Variants in SGCD observed in about 807,000 individuals in gnomAD.
The protein encoded by SGCD is delta-sarcoglycan.
In SGCD, 18 loss-of-function variants were observed where a neutral mutation model predicts 36.6. The observed-to-expected ratio is 0.49, with a 90% CI of 0.34 to 0.73. The LOEUF (loss-of-function observed/expected upper bound fraction) is 0.73. Ranked by LOEUF, SGCD falls within the 30% of genes least tolerant of loss-of-function variation. The pLI is 0.01. For synonymous variants in SGCD, 133 were observed against 130.6 expected, an observed-to-expected ratio of 1.02 and a Z score of -0.12; for missense variants, 387 against 346.7, an observed-to-expected ratio of 1.12 and a Z score of -0.92.
intron 3 of SGCD, among the ~76,000 whole-genome samples, chr5:156,132,594 G>C (rs937163103): frequency 8.2e-5 from 12 of 145,894 alleles, no homozygotes; most frequent in Non-Finnish European, 1.8e-4. Context: ...TCAGCCTCCC[G>C]AGTAGCTGGG....
chr5:156,754,544 A>T (rs1226707847), intron 7 of SGCD, among the ~76,000 whole-genome samples: 4 of 152,230 alleles, frequency 2.6e-5, no homozygotes, highest in Non-Finnish European at 5.9e-5. Flanking sequence ...ATTACAGAAA[A>T]TAGGGGTAAA....
At chr5:156,229,369 A>G (rs1185504930) in intron 3 of SGCD, among the ~76,000 whole-genome samples, 1 of 143,920 alleles carries the variant, frequency 6.9e-6, no homozygotes, top group African/African-American at 2.6e-5. Context: ...GGTAGTGGTG[A>G]ATTCTCTCAG....
At chr5:156,168,176 T>C (rs557834829) in intron 3 of SGCD, among the ~76,000 whole-genome samples, 61 of 152,328 alleles carry the variant, frequency 4.0e-4, no homozygotes, top group African/African-American at 1.4e-3. Flanking sequence ...TCCTATTTAG[T>C]TAGAATAAAT....
intron 6 of SGCD, among the ~76,000 whole-genome samples, chr5:156,612,746 A>C (rs1761873709): frequency 6.6e-6 from 1 of 152,176 alleles, no homozygotes; most frequent in Admixed American, 6.5e-5. Flanking sequence ...TGCAATGGCT[A>C]CCACCCTCCA....
intron 3 of SGCD, among the ~76,000 whole-genome samples, chr5:156,408,962 G>A (rs1179815675): frequency 1.3e-5 from 2 of 152,122 alleles, no homozygotes; most frequent in African/African-American, 2.4e-5. Flanking sequence ...CTGCTGTTGT[G>A]TTTTCTCCCT....
At chr5:156,525,266 T>C (rs1238136441) in intron 4 of SGCD, among the ~76,000 whole-genome samples, 1 of 152,174 alleles carries the variant, frequency 6.6e-6, no homozygotes, top group Non-Finnish European at 1.5e-5. Flanking sequence ...ACAGCCATTC[T>C]AAAAAGGGTG....
At chr5:155,942,299 T>TACGC (rs1215045876) in intron 1 of SGCD, among the ~76,000 whole-genome samples, 1 of 138,736 alleles carries the variant, frequency 7.2e-6, no homozygotes, top group Non-Finnish European at 1.6e-5. Flanking sequence ...TGTACGCATG[T>TACGC]ATGTATGTAT....
At chr5:156,190,358 A>G (rs1763861485) in intron 3 of SGCD, among the ~76,000 whole-genome samples, 1 of 152,124 alleles carries the variant, frequency 6.6e-6, no homozygotes, top group Non-Finnish European at 1.5e-5. Flanking sequence ...TAGATTCCCC[A>G]CCACCAAAAA....
rs373325887 is a variant in SGCD at position 156,364,629 on chromosome 5, G to T, written c.192+19952G>T. Among the ~76,000 whole-genome samples the T allele has an allele frequency of 1.6e-4, 24 of 152,250 alleles. No individual in the cohort carries two copies. The South Asian group carries it at 3.7e-3, about 24-fold the overall frequency. On this transcript the variant is annotated intron_variant, in intron 3 of 8. Coordinates refer to ENST00000337851, the MANE Select transcript of SGCD (RefSeq NM_000337.6). The stretch of plus-strand genomic sequence containing the variant: ...AGTTTTGTACACAGACTATAGGAAG[G>T]TCATTTTTCCCTATGTGTATGAAGT...
intron 7 of SGCD, among the ~76,000 whole-genome samples, chr5:156,707,427 A>G (rs978463710): frequency 1.1e-4 from 17 of 152,188 alleles, no homozygotes; most frequent in Admixed American, 1.0e-3. Flanking sequence ...TTAATGCACT[A>G]TCAGATCTTA....
At chr5:155,742,997 G>T in the SGCD span, among the ~76,000 whole-genome samples, 8 of 152,182 alleles carry the variant, frequency 5.3e-5, no homozygotes, top group Non-Finnish European at 8.8e-5. Flanking sequence ...GTAAGGTTTG[G>T]TTGGGGGCAC....
Position 155,887,200 on chromosome 5 carries a change from A to G in SGCD, c.-282+16776A>G, listed in dbSNP as rs1479969497. Among the ~76,000 whole-genome samples, 7 of 152,332 alleles carry G rather than the reference A, an allele frequency of 4.6e-5. No individual in the cohort carries two copies. In the East Asian group the frequency reaches 1.4e-3, roughly 29 times the overall value. The stretch of plus-strand genomic sequence containing the variant: ...AAGAAGTTGCATGGAAATCAAACTT[A>G]TATCATTCTAGTCATATTTTCTCTC... On this transcript the variant is annotated intron_variant, in intron 1 of 9. Coordinates refer to the SGCD transcript ENST00000517913.
intron 7 of SGCD, among the ~76,000 whole-genome samples, chr5:156,699,241 G>A (rs1274955421): frequency 6.6e-6 from 1 of 152,066 alleles, no homozygotes; most frequent in Non-Finnish European, 1.5e-5. Flanking sequence ...CAGGTATAGA[G>A]TGGGGTATCT....
intron 3 of SGCD, among the ~76,000 whole-genome samples, chr5:156,411,180 A>G: frequency 6.6e-6 from 1 of 152,194 alleles, no homozygotes; most frequent in East Asian, 1.9e-4. Context: ...GTTGATTTTC[A>G]TGGAATTCAT....
the SGCD span, among the ~76,000 whole-genome samples, chr5:155,765,712 G>A: frequency 6.6e-6 from 1 of 152,166 alleles, no homozygotes; most frequent in East Asian, 1.9e-4. Context: ...CTCACATGGA[G>A]GAGTAATTAA....
At chr5:156,412,059 A>G (rs1772790769) in intron 3 of SGCD, among the ~76,000 whole-genome samples, 1 of 152,218 alleles carries the variant, frequency 6.6e-6, no homozygotes, top group South Asian at 2.1e-4. Context: ...AATAATTTTT[A>G]GTCGTGCATT....
At chr5:156,365,987 A>G (rs1326343248) in intron 3 of SGCD, among the ~76,000 whole-genome samples, 1 of 152,240 alleles carries the variant, frequency 6.6e-6, no homozygotes, top group East Asian at 1.9e-4. Flanking sequence ...AAGCAAGAGA[A>G]GGTACAAGAA....
At chr5:156,531,245 CA>C (rs779604037) in intron 4 of SGCD, among the ~76,000 whole-genome samples, 1 of 152,198 alleles carries the variant, frequency 6.6e-6, no homozygotes, top group Non-Finnish European at 1.5e-5. Flanking sequence ...GAGCAGCCCT[CA>C]CCAGACAACT....
chr5:155,943,824 A>G (rs1440656834), intron 1 of SGCD, among the ~76,000 whole-genome samples: 1 of 151,920 alleles, frequency 6.6e-6, no homozygotes, highest in East Asian at 1.9e-4. Flanking sequence ...CTATTTACAG[A>G]CTCTCCATTG....
Sources: allele counts gnomAD v4.1 joint callset (sites outside exome capture counted in the v4.1 genomes callset), GRCh38; gene constraint gnomAD v4.1.1; transcripts MANE v1.5; gene names NCBI Gene and HGNC (gene_info 2026-07-23, HGNC 2026-07-21).